Variants in RDH13 observed in about 807,000 individuals in gnomAD.
The protein encoded by RDH13 is retinol dehydrogenase 13.
RDH13 carries 35 observed loss-of-function variants against 28.3 expected under a neutral mutation model. The observed-to-expected ratio is 1.24, with a 90% CI of 0.95 to 1.64. The LOEUF is 1.64. RDH13 is among the 40% of genes most tolerant of loss of function. The pLI is 0.00. For synonymous variants in RDH13, 229 were observed against 198.5 expected, an observed-to-expected ratio of 1.15 and a Z score of -1.29; for missense variants, 514 against 446.3, an observed-to-expected ratio of 1.15 and a Z score of -1.37.
intron 3 of RDH13, among the ~76,000 whole-genome samples, chr19:55,051,604 A>G (rs2075437920): frequency 6.6e-6 from 1 of 151,396 alleles, no homozygotes; most frequent in South Asian, 2.1e-4. Context: ...TAATTTTTGC[A>G]TTTTTAGTAG....
chr19:55,058,270 C>T (rs1021306705), intron 2 of RDH13, among the ~76,000 whole-genome samples: 3 of 151,862 alleles, frequency 2.0e-5, no homozygotes, highest in African/African-American at 7.3e-5. Flanking sequence ...TGCCTGTAAT[C>T]CCAGCTACTC....
At chr19:55,045,562 C>G (rs2075195088) in intron 6 of RDH13, among the ~76,000 whole-genome samples, 1 of 152,220 alleles carries the variant, frequency 6.6e-6, no homozygotes, top group South Asian at 2.1e-4. Context: ...TGGAAGCTCT[C>G]TTCCTCTTGG....
Position 55,044,829 on chromosome 19 carries a change from G to T in RDH13, c.*245C>A. The T allele has an allele frequency of 2.1e-6, 1 of 466,930 alleles. No individual in the cohort carries two copies. 28.9% of individuals were successfully genotyped at this position (466,930 alleles called of 1,614,324 possible). ...GCCATTCCCAGTTTAGATTCCCAGG[G>T]GAAGCATCAGATGGCCCCTCTCCCC... On this transcript the variant is annotated 3_prime_UTR_variant, in exon 7 of 7. Transcript: ENST00000415061.
At chr19:55,057,527 G>A (rs1354181563) in intron 2 of RDH13, among the ~76,000 whole-genome samples, 1 of 151,792 alleles carries the variant, frequency 6.6e-6, no homozygotes, top group East Asian at 1.9e-4. Flanking sequence ...CCACCTCCTG[G>A]GTTCAAGCAA....
chr19:55,056,598 G>A, intron 3 of RDH13, 55 bp downstream of exon 3: 1 of 1,590,576 alleles, frequency 6.3e-7, no homozygotes, highest in South Asian at 1.1e-5. Context: ...CTCAGAGCCT[G>A]GCCCTGGGAG....
intron 6 of RDH13, among the ~76,000 whole-genome samples, chr19:55,046,276 A>AT (rs2075228608): frequency 6.7e-6 from 1 of 148,400 alleles, no homozygotes; most frequent in Non-Finnish European, 1.5e-5. Flanking sequence ...TTATTTATTT[A>AT]TTGAGACCTG....
At chr19:55,040,849 G>A (rs2569514), downstream of RDH13, 71,115 of 152,138 alleles carry the variant, frequency 0.47, 17,056 homozygotes, top group East Asian at 0.58. Context: ...AAACCCGGCT[G>A]GGCGTGGTGG....
chr19:55,067,613 G>A (rs2075983449), upstream of RDH13: 1 of 152,216 alleles, frequency 6.6e-6, no homozygotes, highest in Non-Finnish European at 1.5e-5. Context: ...TGACTCAGAG[G>A]GCGCTGGGTA....
intron 3 of RDH13, among the ~76,000 whole-genome samples, chr19:55,054,840 TGTG>T (rs2075578290): frequency 6.6e-6 from 1 of 151,914 alleles, no homozygotes; most frequent in Admixed American, 6.6e-5. Context: ...AGATTTTAAA[TGTG>T]GTCACCACAA....
At chr19:55,051,821 C>A (rs1052641475) in intron 3 of RDH13, among the ~76,000 whole-genome samples, 1 of 151,890 alleles carries the variant, frequency 6.6e-6, no homozygotes, top group South Asian at 2.1e-4. Flanking sequence ...CAACCTCCGC[C>A]GCCAGGGCTC....
chr19:55,068,740 G>A (rs1273476758), intron 1 of RDH13: 1 of 146,692 alleles, frequency 6.8e-6, no homozygotes, highest in East Asian at 2.0e-4. Flanking sequence ...GGAGGCTGAG[G>A]CAGGAGAATG....
intron 1 of RDH13, among the ~76,000 whole-genome samples, chr19:55,060,949 G>A (rs1026317559): frequency 6.6e-6 from 1 of 152,134 alleles, no homozygotes; most frequent in Non-Finnish European, 1.5e-5. Context: ...GGCAGGTCAA[G>A]AGTCCAAAAC....
intron 3 of RDH13, 94 bp downstream of exon 3, chr19:55,056,559 G>A (rs1445492010): frequency 1.2e-5 from 18 of 1,477,666 alleles, no homozygotes; most frequent in Non-Finnish European, 1.5e-5. Context: ...CCAAAACTCT[G>A]CTCTAAAGTT....
chr19:55,048,137 A>G, intron 5 of RDH13, 192 bp downstream of exon 5: 1 of 1,533,034 alleles, frequency 6.5e-7, no homozygotes, highest in Non-Finnish European at 8.7e-7. Context: ...ATGAACAGAC[A>G]ATCCTCAGAA....
chr19:55,045,856 G>C (rs1031737470), intron 6 of RDH13, among the ~76,000 whole-genome samples: 3 of 150,198 alleles, frequency 2.0e-5, no homozygotes, highest in African/African-American at 7.4e-5. Flanking sequence ...TGGGGCAGGA[G>C]AATCCCTTGA....
upstream of RDH13, chr19:55,063,474 G>A (rs2075877938): frequency 5.6e-6 from 1 of 177,350 alleles, no homozygotes; most frequent in Admixed American, 6.3e-5. Context: ...GGAAATGTGT[G>A]TTTACCTTCT....
At chr19:55,049,482 C>T (rs1016162385) in intron 3 of RDH13, among the ~76,000 whole-genome samples, 1 of 152,154 alleles carries the variant, frequency 6.6e-6, no homozygotes, top group Non-Finnish European at 1.5e-5. Flanking sequence ...GTGCCACAGA[C>T]AGGTGGTTTA....
At chr19:55,040,334 ATT>A (rs1568665773), downstream of RDH13, 2 of 152,172 alleles carry the variant, frequency 1.3e-5, no homozygotes, top group African/African-American at 4.8e-5. Context: ...GATTTTTTGT[ATT>A]TTTAGTAGAG....
At chr19:55,050,233 C>T (rs2075385970) in intron 3 of RDH13, among the ~76,000 whole-genome samples, 1 of 151,882 alleles carries the variant, frequency 6.6e-6, no homozygotes, top group Non-Finnish European at 1.5e-5. Flanking sequence ...TCTCCTGCCT[C>T]AGCCTCCCAA....
Sources: gnomAD v4.1 joint callset for allele counts (sites outside exome capture counted in the v4.1 genomes callset) on GRCh38, gnomAD v4.1.1 for gene constraint, MANE v1.5 for transcripts, NCBI Gene and HGNC (gene_info 2026-07-23, HGNC 2026-07-21) for gene names.